The following MYO1D variants were observed in gnomAD, a reference collection of about 807,000 sequenced individuals.
MYO1D encodes the protein unconventional myosin-Id.
A neutral mutation model predicts 122.0 loss-of-function variants in MYO1D; 83 were observed. The ratio of observed to expected loss-of-function variants is 0.68; its 90% CI spans 0.57 to 0.82. The LOEUF (loss-of-function observed/expected upper bound fraction) is 0.82. MYO1D is among the 40% of genes least tolerant of loss of function. MYO1D has a pLI of 0.00. For missense variants in MYO1D, 1,157 were observed against 1,269.5 expected (o/e 0.91, Z 1.35); for synonymous variants, 464 against 446.9 (o/e 1.04, Z -0.48).
chr17:32,868,876 C>T (rs1302714763), intron 1 of MYO1D, among the ~76,000 whole-genome samples: 2 of 152,098 alleles, frequency 1.3e-5, no homozygotes, highest in African/African-American at 2.4e-5. Flanking sequence ...TCTTTTCCCA[C>T]AAATGCTCAA....
chr17:32,557,452 G>C (rs1301660718), intron 21 of MYO1D, among the ~76,000 whole-genome samples: 1 of 152,062 alleles, frequency 6.6e-6, no homozygotes, highest in Non-Finnish European at 1.5e-5. Flanking sequence ...TGGGGCTTGA[G>C]ATGCTCTGGT....
At chr17:32,842,016 G>A (rs1323823168) in intron 1 of MYO1D, among the ~76,000 whole-genome samples, 1 of 152,160 alleles carries the variant, frequency 6.6e-6, no homozygotes, top group Non-Finnish European at 1.5e-5. Context: ...AGATCTGAGT[G>A]AGATTAGCAA....
At chr17:32,833,391 C>T (rs2090790503) in intron 1 of MYO1D, among the ~76,000 whole-genome samples, 2 of 152,144 alleles carry the variant, frequency 1.3e-5, no homozygotes, top group African/African-American at 4.8e-5. Context: ...TACTTCTCAC[C>T]ACCTCTGCTG....
Position 32,778,587 on chromosome 17 carries a change from T to C in MYO1D, c.305-14A>G, listed in dbSNP as rs569977169. 1.3e-6 allele frequency: 2 copies of C among 1,593,930 alleles called. No homozygotes were observed. The highest frequency in any genetic ancestry group is 2.2e-5 in the East Asian group (1 of 44,780). ...CTCCACTTTCCCCTGGGGGGAAAAA[T>C]TGTTCAGGGCTTAACATAATAATTT... On this transcript the variant is annotated splice_polypyrimidine_tract_variant and intron_variant, in intron 2 of 21. Coordinates refer to ENST00000318217, the MANE Select transcript of MYO1D (RefSeq NM_015194.3).
intron 2 of MYO1D, 149 bp downstream of exon 2, chr17:32,780,427 T>C: frequency 1.5e-6 from 1 of 689,378 alleles, no homozygotes; most frequent in Non-Finnish European, 2.4e-6. Context: ...AATAATTTGG[T>C]ATTTAACGTT....
chr17:32,822,557 G>A (rs976735274), intron 1 of MYO1D, among the ~76,000 whole-genome samples: 3 of 121,958 alleles, frequency 2.5e-5, no homozygotes, highest in African/African-American at 8.9e-5. Flanking sequence ...GGCTCGGGAC[G>A]GGGCCCGGGG....
rs1909015481 is a variant in MYO1D at position 32,494,541 on chromosome 17, AG to A, written c.*217del. On this transcript the variant is annotated 3_prime_UTR_variant, in exon 22 of 22. Coordinates refer to ENST00000318217, the MANE Select transcript of MYO1D (RefSeq NM_015194.3). Reference sequence around the variant, plus strand: ...AGCCCAGGGGTCTGGGCGGGGCACCAGGGTCTTTGGCTTATTGAACAGGGAC... The same window carrying A: ...AGCCCAGGGGTCTGGGCGGGGCACCAGGTCTTTGGCTTATTGAACAGGGAC... 1.6e-6 allele frequency: 1 copy of A among 610,500 alleles called. No homozygotes were observed. Among genetic ancestry groups the A allele is most frequent in the African/African-American group, 1.9e-5 (1 of 53,832 alleles). The allele number at this position is 610,500 out of a possible 1,614,324, so 37.8% of individuals were successfully genotyped here. A position where few individuals can be genotyped will look rare whatever the true frequency, so the allele number is the denominator to read the frequency against.
chr17:32,793,245 A>G (rs1258539302), intron 1 of MYO1D, among the ~76,000 whole-genome samples: 5 of 151,984 alleles, frequency 3.3e-5, no homozygotes, highest in African/African-American at 1.2e-4. Flanking sequence ...ATTGTACTCA[A>G]AGGCTTATAT....
chr17:32,603,840 T>A (rs1019459824), intron 21 of MYO1D, among the ~76,000 whole-genome samples: 1 of 152,208 alleles, frequency 6.6e-6, no homozygotes, highest in South Asian at 2.1e-4. Context: ...CTAAACTTTT[T>A]AAAATTTTTC....
At position 32,638,829 on chromosome 17, in the gene MYO1D, G is replaced by A. The variant is rs373726199; in HGVS notation, c.2602C>T (p.Arg868Ter). 12 of 1,607,654 alleles carry A rather than the reference G, an allele frequency of 7.5e-6. No homozygotes were observed. Among genetic ancestry groups the A allele is most frequent in the East Asian group, 2.2e-5 (1 of 44,788 alleles). ...LFSCHVRKVN[R>*]FSKVEDRAIF... ...GCTCTGTCTTCCACCTTACTAAATCGATTTACCTGTAAGAGAACAAACCAA... is the reference window on the plus strand; with the variant it reads ...GCTCTGTCTTCCACCTTACTAAATCAATTTACCTGTAAGAGAACAAACCAA... The change falls in exon 20 of 22, where the codon CGA becomes TGA. Residue 868 changes from arginine (R) to a stop codon, truncating the protein, a stop_gained. Coordinates refer to ENST00000318217, the MANE Select transcript of MYO1D (RefSeq NM_015194.3). LOFTEE classifies it high-confidence loss of function.
chr17:32,837,948 G>C (rs999745495), intron 1 of MYO1D, among the ~76,000 whole-genome samples: 1 of 144,916 alleles, frequency 6.9e-6, no homozygotes, highest in Non-Finnish European at 1.5e-5. Flanking sequence ...ATTCACTAAG[G>C]TATTGTGCTT....
chr17:32,723,736 G>A (rs2089539161), intron 14 of MYO1D, among the ~76,000 whole-genome samples: 2 of 152,130 alleles, frequency 1.3e-5, no homozygotes, highest in Admixed American at 6.5e-5. Context: ...CCATTTGAGT[G>A]AGCTCATCTT....
intron 1 of MYO1D, among the ~76,000 whole-genome samples, chr17:32,799,861 TAAAC>T (rs2090446433): frequency 6.6e-6 from 1 of 152,022 alleles, no homozygotes; most frequent in Non-Finnish European, 1.5e-5. Context: ...AGAAAACAAA[TAAAC>T]TATCTATTTA....
intron 1 of MYO1D, among the ~76,000 whole-genome samples, chr17:32,781,799 G>A (rs115249406): frequency 7.6e-4 from 114 of 150,556 alleles, no homozygotes; most frequent in African/African-American, 2.7e-3. Context: ...GCAACTTTAT[G>A]TGTCTATTTA....
intron 2 of MYO1D, among the ~76,000 whole-genome samples, chr17:32,779,552 A>C (rs1207203866): frequency 6.6e-6 from 1 of 151,892 alleles, no homozygotes; most frequent in Non-Finnish European, 1.5e-5. Flanking sequence ...GAGAAAATGT[A>C]TAAAAGGATA....
At chr17:32,560,070 C>G (rs1298927727) in intron 21 of MYO1D, among the ~76,000 whole-genome samples, 1 of 152,186 alleles carries the variant, frequency 6.6e-6, no homozygotes, top group South Asian at 2.1e-4. Flanking sequence ...GCCTGACCAA[C>G]ATGGTGAAAC....
At chr17:32,552,424 CCAT>C (rs2087025200) in intron 21 of MYO1D, among the ~76,000 whole-genome samples, 2 of 109,836 alleles carry the variant, frequency 1.8e-5, no homozygotes, top group African/African-American at 8.9e-5. Context: ...ATCCACCCAT[CCAT>C]CCATCCATCC....
intron 6 of MYO1D, 145 bp from the exon 7 acceptor site, chr17:32,767,897 G>A (rs2090074983): frequency 1.7e-6 from 1 of 590,096 alleles, no homozygotes; most frequent in East Asian, 2.9e-5. Context: ...AAATAAAAAT[G>A]ATTTCACGAG....
chr17:32,553,105 A>AC (rs1234671209), intron 21 of MYO1D, among the ~76,000 whole-genome samples: 4 of 149,926 alleles, frequency 2.7e-5, no homozygotes, highest in Admixed American at 6.6e-5. Context: ...AAACAAAACA[A>AC]AAAAAAAAAC....
Sources: gnomAD v4.1 joint callset for allele counts (sites outside exome capture counted in the v4.1 genomes callset) on GRCh38, gnomAD v4.1.1 for gene constraint, MANE v1.5 for transcripts, NCBI Gene and HGNC (gene_info 2026-07-23, HGNC 2026-07-21) for gene names.